GLIS3: variants seen among roughly 807,000 people sequenced by gnomAD.
The protein encoded by GLIS3 is GLIS family zinc finger 3, also known as zinc finger protein GLIS3.
GLIS3 carries 53 observed loss-of-function variants against 78.6 expected under a neutral mutation model. The ratio of observed to expected loss-of-function variants is 0.67; its 90% CI spans 0.54 to 0.85. The LOEUF is 0.85. Ranked by LOEUF, GLIS3 falls within the 40% of genes least tolerant of loss-of-function variation. GLIS3 has a pLI of 0.00. For missense variants in GLIS3, 1,703 were observed against 1,231.1 expected (o/e 1.38, Z -5.74); for synonymous variants, 684 against 509.9 (o/e 1.34, Z -4.60).
In GLIS3 at chr9:3,905,278, C is replaced by T. The variant is rs528052918; in HGVS notation, c.1984-6443G>A. 1.4e-4 allele frequency among the ~76,000 whole-genome samples: 22 copies of T among 151,922 alleles called. No homozygotes were observed. The East Asian group carries it at 2.7e-3, about 19-fold the overall frequency. On this transcript the variant is annotated intron_variant, in intron 6 of 10. Transcript: ENST00000381971. ...GTGCTGGGATTACAGGCATGAGCCACTGAGCCCCGCCTGACTCTTTGATAT... is the reference window on the plus strand; with the variant it reads ...GTGCTGGGATTACAGGCATGAGCCATTGAGCCCCGCCTGACTCTTTGATAT...
chr9:4,113,083 TG>T (rs1831355094), intron 4 of GLIS3, among the ~76,000 whole-genome samples: 3 of 152,072 alleles, frequency 2.0e-5, no homozygotes, highest in African/African-American at 7.2e-5. Flanking sequence ...ATACATAAAT[TG>T]TATTAATACT....
chr9:4,469,090 C>A, the GLIS3 span, among the ~76,000 whole-genome samples: 1 of 152,158 alleles, frequency 6.6e-6, no homozygotes, highest in African/African-American at 2.4e-5. Context: ...AGCTAACTAT[C>A]CTAAATATAT....
the GLIS3 span, among the ~76,000 whole-genome samples, chr9:4,453,469 T>C: frequency 6.6e-6 from 1 of 151,544 alleles, no homozygotes; most frequent in East Asian, 1.9e-4. Flanking sequence ...ACAAAGAACT[T>C]AAACAAATTT....
At chr9:4,354,263 C>T in the GLIS3 span, among the ~76,000 whole-genome samples, 2 of 152,168 alleles carry the variant, frequency 1.3e-5, no homozygotes, top group Non-Finnish European at 2.9e-5. Context: ...TGAGTACTTT[C>T]TCCAGCCAAA....
At chr9:4,402,841 T>C in the GLIS3 span, among the ~76,000 whole-genome samples, 56 of 152,118 alleles carry the variant, frequency 3.7e-4, no homozygotes, top group African/African-American at 1.1e-3. Flanking sequence ...GTCTCACAAA[T>C]ATGAGAGTTA....
At chr9:4,395,183 G>C in the GLIS3 span, among the ~76,000 whole-genome samples, 5 of 152,142 alleles carry the variant, frequency 3.3e-5, no homozygotes, top group Non-Finnish European at 2.9e-5. Flanking sequence ...ATGAATTTAA[G>C]TCTTAGTAAT....
chr9:3,855,152 A>G lies in GLIS3; in HGVS notation c.2473+857T>C, dbSNP rs377559079. Reference sequence around the variant, plus strand: ...CAAATCTATATGACTTGGCAATTCAACTTTCTATGGATGCTCACTAAGATA... The same window carrying G: ...CAAATCTATATGACTTGGCAATTCAGCTTTCTATGGATGCTCACTAAGATA... On this transcript the variant is annotated intron_variant, in intron 9 of 10. Transcript: ENST00000381971. Among the ~76,000 whole-genome samples, 25 of 152,340 alleles carry G rather than the reference A, an allele frequency of 1.6e-4. 1 individual carries two copies. Among genetic ancestry groups the G allele is most frequent in the Middle Eastern group, 6.8e-3 (2 of 294 alleles).
At chr9:4,416,252 T>TTAAA in the GLIS3 span, among the ~76,000 whole-genome samples, 17 of 75,800 alleles carry the variant, frequency 2.2e-4, no homozygotes, top group East Asian at 7.6e-4. Flanking sequence ...ACACTGTTTT[T>TTAAA]AAAAAAAAAA....
chr9:4,336,761 G>C (rs1485608381), intron 2 of GLIS3, among the ~76,000 whole-genome samples: 1 of 152,140 alleles, frequency 6.6e-6, no homozygotes, highest in African/African-American at 2.4e-5. Flanking sequence ...TATACAATTT[G>C]TATATTCCTT....
chr9:4,056,182 G>A (rs573197514), intron 4 of GLIS3, among the ~76,000 whole-genome samples: 27 of 152,292 alleles, frequency 1.8e-4, no homozygotes, highest in African/African-American at 6.0e-4. Context: ...GCAATAGCAG[G>A]GTGTCCTGCA....
chr9:3,980,437 C>G (rs1819165700), intron 4 of GLIS3, among the ~76,000 whole-genome samples: 1 of 152,152 alleles, frequency 6.6e-6, no homozygotes, highest in Non-Finnish European at 1.5e-5. Context: ...GAAATGTAAG[C>G]CAGACATACC....
chr9:4,349,954 C>A (rs144802523), upstream of GLIS3, among the ~76,000 whole-genome samples: 35 of 152,304 alleles, frequency 2.3e-4, no homozygotes, highest in Middle Eastern at 3.4e-3. Flanking sequence ...GCTGCAGAGG[C>A]TGTGGGTGGG....
the GLIS3 span, among the ~76,000 whole-genome samples, chr9:4,397,818 G>A: frequency 1.3e-5 from 2 of 151,780 alleles, no homozygotes; most frequent in South Asian, 2.1e-4. Flanking sequence ...TTACATACAC[G>A]AAAGCACCGC....
At chr9:4,140,902 G>A (rs934869772) in intron 2 of GLIS3, among the ~76,000 whole-genome samples, 5 of 151,854 alleles carry the variant, frequency 3.3e-5, no homozygotes, top group Non-Finnish European at 5.9e-5. Context: ...GGGTTCAAGC[G>A]ATTCTCCTGC....
intron 4 of GLIS3, among the ~76,000 whole-genome samples, chr9:4,085,854 G>C (rs1828978391): frequency 6.6e-6 from 1 of 152,160 alleles, no homozygotes; most frequent in Non-Finnish European, 1.5e-5. Context: ...GAAACTTCCT[G>C]AGGCCTCCAC....
intron 4 of GLIS3, chr9:4,054,405 G>C (rs1431389698): frequency 1.0e-6 from 1 of 985,304 alleles, no homozygotes; most frequent in Admixed American, 6.1e-5. Flanking sequence ...GGAACCATCT[G>C]AATTTAACGG....
chr9:3,992,841 T>G (rs1461863472), intron 4 of GLIS3, among the ~76,000 whole-genome samples: 3 of 152,184 alleles, frequency 2.0e-5, no homozygotes, highest in Admixed American at 1.3e-4. Context: ...TCTGATAAGG[T>G]CAAACACTTT....
rs1380521836 is a variant in GLIS3, at chr9:4,057,914, A to AT, written c.1710+59853_1710+59854insA. On this transcript the variant is annotated intron_variant, in intron 4 of 10. Coordinates refer to ENST00000381971, the MANE Select transcript of GLIS3 (RefSeq NM_001042413.2). ...CTTGATCTTTTTCACATGTAAAAAA[A>AT]CAAAAAGCCCAAACTGTAAAGAAAA... 1.1e-4 allele frequency among the ~76,000 whole-genome samples: 16 copies of AT among 152,316 alleles called. No individual in the cohort carries two copies. The East Asian group carries it at 3.1e-3, about 29-fold the overall frequency.
chr9:4,200,172 T>G (rs532521613), intron 2 of GLIS3, among the ~76,000 whole-genome samples: 129 of 152,274 alleles, frequency 8.5e-4, no homozygotes, highest in Non-Finnish European at 1.8e-3. Context: ...AACAGGAGTT[T>G]TTAGTGCTAA....
Sources: gnomAD v4.1 joint callset for allele counts (sites outside exome capture counted in the v4.1 genomes callset) on GRCh38, gnomAD v4.1.1 for gene constraint, MANE v1.5 for transcripts, NCBI Gene and HGNC (gene_info 2026-07-23, HGNC 2026-07-21) for gene names.